Variants in ANO3 observed in about 807,000 individuals in gnomAD.
The protein encoded by ANO3 is anoctamin-3.
ANO3 carries 99 observed loss-of-function variants against 144.8 expected under a neutral mutation model. The observed-to-expected ratio is 0.68, with a 90% CI of 0.58 to 0.81. The LOEUF is 0.81. Ranked by LOEUF, ANO3 falls within the 30% of genes least tolerant of loss-of-function variation. The pLI, the probability that ANO3 is intolerant of heterozygous loss-of-function variation, is 0.00. For synonymous variants in ANO3, 414 were observed against 392.6 expected (o/e 1.05, Z -0.64); for missense variants, 905 against 1,202.2 (o/e 0.75, Z 3.66).
intron 1 of ANO3, among the ~76,000 whole-genome samples, chr11:26,211,909 G>A (rs1851941434): frequency 2.6e-5 from 4 of 151,980 alleles, no homozygotes; most frequent in Admixed American, 2.6e-4. Context: ...ACCTTTGCAG[G>A]GACATAGATG....
chr11:26,455,561 T>G (rs964728692), intron 3 of ANO3, among the ~76,000 whole-genome samples: 2 of 151,934 alleles, frequency 1.3e-5, no homozygotes, highest in East Asian at 1.9e-4. Flanking sequence ...CACTGCTCAA[T>G]GAAATAAAAG....
chr11:26,472,202 T>C (rs1407837315), intron 4 of ANO3, among the ~76,000 whole-genome samples: 4 of 151,976 alleles, frequency 2.6e-5, no homozygotes, highest in Non-Finnish European at 5.9e-5. Flanking sequence ...AGAAACCGTG[T>C]TATTTGAGCA....
At chr11:26,439,757 T>A (rs1858446370) in intron 1 of ANO3, among the ~76,000 whole-genome samples, 1 of 152,192 alleles carries the variant, frequency 6.6e-6, no homozygotes, top group South Asian at 2.1e-4. Flanking sequence ...GTAAGAAAAC[T>A]ATTTTTATAC....
At chr11:26,309,279 G>A (rs1854454381), upstream of ANO3, among the ~76,000 whole-genome samples, 1 of 152,154 alleles carries the variant, frequency 6.6e-6, no homozygotes, top group Non-Finnish European at 1.5e-5. Context: ...AGATCAGAGT[G>A]AGCAAAGGAA....
chr11:26,537,985 A>C (rs981728505), intron 10 of ANO3, among the ~76,000 whole-genome samples: 1 of 152,188 alleles, frequency 6.6e-6, no homozygotes. Flanking sequence ...CTCTTTCTTT[A>C]AGGCAATTTC....
At chr11:26,298,441 G>T (rs1854143089) in intron 1 of ANO3, among the ~76,000 whole-genome samples, 1 of 152,148 alleles carries the variant, frequency 6.6e-6, no homozygotes, top group South Asian at 2.1e-4. Flanking sequence ...GAAATATGAG[G>T]GGTATGGAAT....
chr11:26,403,033 G>A (rs1474641006), intron 1 of ANO3, among the ~76,000 whole-genome samples: 1 of 151,658 alleles, frequency 6.6e-6, no homozygotes, highest in African/African-American at 2.4e-5. Flanking sequence ...CAACTTATTC[G>A]ATGGACCACT....
chr11:26,295,633 A>G (rs768014014), intron 1 of ANO3, among the ~76,000 whole-genome samples: 1 of 152,110 alleles, frequency 6.6e-6, no homozygotes, highest in East Asian at 1.9e-4. Context: ...TTAATTTTTT[A>G]AATTGATTTT....
intron 14 of ANO3, among the ~76,000 whole-genome samples, chr11:26,597,741 T>A (rs1851678418): frequency 6.6e-6 from 1 of 152,180 alleles, no homozygotes; most frequent in African/African-American, 2.4e-5. Context: ...TCTTGAATGG[T>A]GTAAGATAGA....
At chr11:26,628,071 T>A (rs1051967370) in intron 18 of ANO3, among the ~76,000 whole-genome samples, 1 of 152,210 alleles carries the variant, frequency 6.6e-6, no homozygotes, top group Admixed American at 6.5e-5. Context: ...TTTTTTAACA[T>A]GGGAAAAATT....
chr11:26,211,527 G>T (rs374264150), intron 1 of ANO3, among the ~76,000 whole-genome samples: 1 of 152,138 alleles, frequency 6.6e-6, no homozygotes, highest in East Asian at 1.9e-4. Context: ...TCTCACACCA[G>T]TTAGAATGGC....
chr11:26,591,532 A>G (rs1428417620), intron 14 of ANO3, among the ~76,000 whole-genome samples: 2 of 152,150 alleles, frequency 1.3e-5, no homozygotes, highest in African/African-American at 2.4e-5. Flanking sequence ...GCAGGGGTAT[A>G]TGGTTGTGGG....
intron 17 of ANO3, among the ~76,000 whole-genome samples, chr11:26,605,815 G>T (rs1399741761): frequency 6.6e-6 from 1 of 151,444 alleles, no homozygotes; most frequent in African/African-American, 2.4e-5. Flanking sequence ...GTGTCTATTT[G>T]ATTCTTCTCT....
chr11:26,611,513 T>C (rs995253832), intron 17 of ANO3, among the ~76,000 whole-genome samples: 6 of 152,194 alleles, frequency 3.9e-5, no homozygotes, highest in Non-Finnish European at 7.4e-5. Flanking sequence ...TTAAGACTAG[T>C]TTTGTGGCCT....
intron 14 of ANO3, among the ~76,000 whole-genome samples, chr11:26,562,643 CTTTG>C (rs1850337863): frequency 6.6e-6 from 1 of 151,654 alleles, no homozygotes; most frequent in South Asian, 2.1e-4. Flanking sequence ...CTTTTAGATG[CTTTG>C]TTTTAGAGCC....
intron 14 of ANO3, among the ~76,000 whole-genome samples, chr11:26,571,063 C>T (rs1850805224): frequency 6.6e-6 from 1 of 152,054 alleles, no homozygotes; most frequent in African/African-American, 2.4e-5. Context: ...GGCTAAAAGA[C>T]TTAGGCTATG....
At chr11:26,638,891 G>A (rs1853054088) in intron 20 of ANO3, among the ~76,000 whole-genome samples, 1 of 152,176 alleles carries the variant, frequency 6.6e-6, no homozygotes, top group Non-Finnish European at 1.5e-5. Context: ...GAGCTTGGCA[G>A]ATAGTAAGTA....
At chr11:26,532,110 G>A (rs145899028) in intron 8 of ANO3, among the ~76,000 whole-genome samples, 1 of 152,340 alleles carries the variant, frequency 6.6e-6, no homozygotes, top group Non-Finnish European at 1.5e-5. Flanking sequence ...GATGCAGGAA[G>A]TTGAAAGGGT....
chr11:26,237,678 T>C (rs1852564707), intron 1 of ANO3, among the ~76,000 whole-genome samples: 1 of 152,068 alleles, frequency 6.6e-6, no homozygotes, highest in South Asian at 2.1e-4. Context: ...CATTATTCCT[T>C]GACTCTTTCA....
Sources: gnomAD v4.1 joint callset for allele counts (sites outside exome capture counted in the v4.1 genomes callset) on GRCh38, gnomAD v4.1.1 for gene constraint, MANE v1.5 for transcripts, NCBI Gene and HGNC (gene_info 2026-07-23, HGNC 2026-07-21) for gene names.